The following GPC6 variants were observed in gnomAD, a reference collection of about 807,000 sequenced individuals.
The protein encoded by GPC6 is glypican-6.
A neutral mutation model predicts 55.2 loss-of-function variants in GPC6; 14 were observed. That is an observed-to-expected ratio of 0.25 (90% CI 0.17 to 0.40). The LOEUF (loss-of-function observed/expected upper bound fraction) is 0.40. Among genes scored for constraint, GPC6 ranks in the 10% least tolerant of loss-of-function variants. GPC6 has a pLI of 1.00. For synonymous variants in GPC6, 278 were observed against 259.6 expected (o/e 1.07, Z -0.68); for missense variants, 641 against 708.5 (o/e 0.90, Z 1.08).
rs560292440 is a variant in GPC6, at chr13:93,623,131, A to G, written c.319+77710A>G. Among the ~76,000 whole-genome samples, 13 of 152,272 alleles carry G rather than the reference A, an allele frequency of 8.5e-5. No homozygotes were observed. The South Asian group carries it at 1.7e-3, about 19-fold the overall frequency. On this transcript the variant is annotated intron_variant, in intron 2 of 8. Coordinates refer to ENST00000377047, the MANE Select transcript of GPC6 (RefSeq NM_005708.5). ...ATGAGTAGTATTCCATTGTGTATTCATGCCACATTTTCTTTATTAATTCAT... is the reference window on the plus strand; with the variant it reads ...ATGAGTAGTATTCCATTGTGTATTCGTGCCACATTTTCTTTATTAATTCAT...
At chr13:93,895,802 G>C (rs1173961975) in intron 3 of GPC6, among the ~76,000 whole-genome samples, 2 of 151,986 alleles carry the variant, frequency 1.3e-5, no homozygotes, top group African/African-American at 4.8e-5. Flanking sequence ...ATTCAGGTTT[G>C]ATTTTTGTGC....
intron 3 of GPC6, among the ~76,000 whole-genome samples, chr13:93,924,704 T>A (rs1006257520): frequency 6.6e-6 from 1 of 150,678 alleles, no homozygotes; most frequent in Non-Finnish European, 1.5e-5. Flanking sequence ...TTCTTTTTTT[T>A]TTTTTTTTGG....
At chr13:93,845,487 A>G (rs1383470403) in intron 3 of GPC6, among the ~76,000 whole-genome samples, 1 of 139,914 alleles carries the variant, frequency 7.1e-6, no homozygotes, top group Non-Finnish European at 1.5e-5. Flanking sequence ...TACTGGGTAT[A>G]TACCCAAAGG....
At chr13:93,802,352 C>T (rs375604870) in intron 2 of GPC6, among the ~76,000 whole-genome samples, 36 of 152,024 alleles carry the variant, frequency 2.4e-4, no homozygotes, top group African/African-American at 8.0e-4. Flanking sequence ...TTCCCCTTCC[C>T]GAATAAAATC....
intron 3 of GPC6, among the ~76,000 whole-genome samples, chr13:93,950,761 G>T (rs1342000995): frequency 1.3e-5 from 2 of 151,226 alleles, no homozygotes; most frequent in Non-Finnish European, 2.9e-5. Flanking sequence ...AGAGTTGGTT[G>T]TGCATTCACA....
intron 3 of GPC6, among the ~76,000 whole-genome samples, chr13:93,897,143 T>G (rs1392194815): frequency 6.6e-6 from 1 of 151,962 alleles, no homozygotes; most frequent in East Asian, 1.9e-4. Context: ...GTCAGAGAGA[T>G]TGGTGGTTAC....
At chr13:94,258,228 C>G (rs1476105123) in intron 4 of GPC6, among the ~76,000 whole-genome samples, 2 of 152,150 alleles carry the variant, frequency 1.3e-5, no homozygotes, top group Non-Finnish European at 2.9e-5. Flanking sequence ...GCAGGTGAGC[C>G]CCGCAGAGGA....
chr13:94,270,681 T>C (rs1331236022), intron 4 of GPC6, among the ~76,000 whole-genome samples: 1 of 152,252 alleles, frequency 6.6e-6, no homozygotes, highest in East Asian at 1.9e-4. Context: ...AATGTAGTTA[T>C]GTCTTTCTGA....
chr13:93,345,687 C>T (rs952059135), intron 1 of GPC6, among the ~76,000 whole-genome samples: 3 of 152,090 alleles, frequency 2.0e-5, no homozygotes, highest in Non-Finnish European at 4.4e-5. Context: ...TGCAATAGGG[C>T]CATTTTGTTG....
At chr13:94,020,363 T>C (rs1882650623) in intron 3 of GPC6, among the ~76,000 whole-genome samples, 1 of 152,238 alleles carries the variant, frequency 6.6e-6, no homozygotes, top group Non-Finnish European at 1.5e-5. Flanking sequence ...ACGATTGCAA[T>C]CTTTTCAAAT....
At chr13:93,714,049 C>G (rs1396320890) in intron 2 of GPC6, among the ~76,000 whole-genome samples, 1 of 151,822 alleles carries the variant, frequency 6.6e-6, no homozygotes, top group African/African-American at 2.4e-5. Flanking sequence ...ACTAAGTCCT[C>G]AAAAGCAATT....
chr13:93,542,200 G>A (rs868686183), intron 1 of GPC6, among the ~76,000 whole-genome samples: 10 of 152,022 alleles, frequency 6.6e-5, no homozygotes, highest in Admixed American at 2.0e-4. Context: ...TAATTTTTGT[G>A]TAAGGTGTAA....
intron 2 of GPC6, among the ~76,000 whole-genome samples, chr13:93,611,412 A>T (rs985383538): frequency 2.0e-5 from 3 of 152,138 alleles, no homozygotes; most frequent in Non-Finnish European, 2.9e-5. Flanking sequence ...ATAAAAGAAG[A>T]AGTATATATA....
chr13:93,515,418 T>C (rs1358034434), intron 1 of GPC6, among the ~76,000 whole-genome samples: 1 of 152,204 alleles, frequency 6.6e-6, no homozygotes. Context: ...GTAGGGATAA[T>C]CAAATATGTT....
chr13:93,557,734 G>A (rs1001796832), intron 2 of GPC6, among the ~76,000 whole-genome samples: 2 of 152,168 alleles, frequency 1.3e-5, no homozygotes, highest in African/African-American at 4.8e-5. Context: ...TCTGTCTGGC[G>A]CATAGAACTC....
chr13:93,603,780 C>T (rs1878123341), intron 2 of GPC6, among the ~76,000 whole-genome samples: 1 of 152,148 alleles, frequency 6.6e-6, no homozygotes, highest in Admixed American at 6.6e-5. Context: ...ACAAGGGGGA[C>T]ACTAATATCT....
chr13:93,692,221 A>G (rs2138782098), intron 2 of GPC6, among the ~76,000 whole-genome samples: 1 of 152,224 alleles, frequency 6.6e-6, no homozygotes, highest in South Asian at 2.1e-4. Flanking sequence ...CTGTATTCCA[A>G]CATGACTGAA....
chr13:93,379,622 T>A (rs1336188365), intron 1 of GPC6, among the ~76,000 whole-genome samples: 1 of 152,160 alleles, frequency 6.6e-6, no homozygotes, highest in African/African-American at 2.4e-5. Context: ...AGTCACTTTT[T>A]TACTTCCTTA....
intron 1 of GPC6, among the ~76,000 whole-genome samples, chr13:93,405,934 C>G (rs1241704848): frequency 6.6e-6 from 1 of 152,166 alleles, no homozygotes; most frequent in African/African-American, 2.4e-5. Context: ...TCCTAGAGGC[C>G]CCACTCCCAT....
Sources: allele counts gnomAD v4.1 joint callset (sites outside exome capture counted in the v4.1 genomes callset), GRCh38; gene constraint gnomAD v4.1.1; transcripts MANE v1.5; gene names NCBI Gene and HGNC (gene_info 2026-07-23, HGNC 2026-07-21).